CDH8: variants seen among roughly 807,000 people sequenced by gnomAD.
CDH8 encodes the protein cadherin-8.
Under a neutral mutation model 68.1 loss-of-function variants are expected in CDH8, and 17 were observed. That is an observed-to-expected ratio of 0.25 (90% CI 0.17 to 0.37). The LOEUF (loss-of-function observed/expected upper bound fraction) is 0.37, where lower values mean the gene tolerates loss of function less well. Among genes scored for constraint, CDH8 ranks in the 10% least tolerant of loss-of-function variants. CDH8 has a pLI of 1.00. For missense variants in CDH8, 763 were observed against 999.3 expected (o/e 0.76, Z 3.19); for synonymous variants, 372 against 365.1 (o/e 1.02, Z -0.21).
At chr16:61,735,648 A>G (rs1320894545) in intron 8 of CDH8, among the ~76,000 whole-genome samples, 1 of 152,168 alleles carries the variant, frequency 6.6e-6, no homozygotes, top group Non-Finnish European at 1.5e-5. Flanking sequence ...CATTTATCCT[A>G]CAAGTTACTC....
chr16:61,683,120 A>C (rs1233382390), intron 10 of CDH8, among the ~76,000 whole-genome samples: 1 of 152,008 alleles, frequency 6.6e-6, no homozygotes, highest in African/African-American at 2.4e-5. Flanking sequence ...TTATATTTTC[A>C]ATATTTTTCA....
chr16:61,745,074 ACTG>A (rs1959981597), intron 8 of CDH8, among the ~76,000 whole-genome samples: 1 of 151,092 alleles, frequency 6.6e-6, no homozygotes, highest in South Asian at 2.1e-4. Context: ...TCAGTGAAAA[ACTG>A]CTGCTAATGC....
At chr16:61,838,314 A>G (rs1356851946) in intron 4 of CDH8, among the ~76,000 whole-genome samples, 2 of 152,122 alleles carry the variant, frequency 1.3e-5, no homozygotes, top group Non-Finnish European at 2.9e-5. Flanking sequence ...AGGGAGATAC[A>G]TATTCTAGGA....
chr16:61,813,685 T>C (rs1010008369), intron 7 of CDH8, among the ~76,000 whole-genome samples: 9 of 152,066 alleles, frequency 5.9e-5, no homozygotes, highest in Non-Finnish European at 1.0e-4. Flanking sequence ...TGTTTTTTTT[T>C]CCCTTTTTGC....
intron 10 of CDH8, among the ~76,000 whole-genome samples, chr16:61,676,843 A>C (rs907262439): frequency 2.0e-5 from 3 of 152,040 alleles, no homozygotes; most frequent in African/African-American, 7.2e-5. Context: ...AAATTCCCTC[A>C]CTGCTTGCTA....
At chr16:61,982,470 C>T (rs1184071676) in intron 2 of CDH8, among the ~76,000 whole-genome samples, 1 of 152,192 alleles carries the variant, frequency 6.6e-6, no homozygotes, top group African/African-American at 2.4e-5. Context: ...CCGCCCGCCT[C>T]GGCCTCCCAT....
At chr16:61,765,498 C>T (rs1960567289) in intron 8 of CDH8, among the ~76,000 whole-genome samples, 1 of 151,972 alleles carries the variant, frequency 6.6e-6, no homozygotes, top group East Asian at 1.9e-4. Flanking sequence ...GGGTAAAATG[C>T]CAGTTGATTT....
intron 7 of CDH8, among the ~76,000 whole-genome samples, chr16:61,809,014 C>T (rs1423917733): frequency 6.6e-6 from 1 of 152,064 alleles, no homozygotes; most frequent in Non-Finnish European, 1.5e-5. Context: ...GGAGAAACCC[C>T]CGTCTCTACT....
chr16:61,980,343 A>G (rs999010334), intron 2 of CDH8, among the ~76,000 whole-genome samples: 2 of 152,194 alleles, frequency 1.3e-5, no homozygotes, highest in African/African-American at 4.8e-5. Context: ...AGCCCTATTG[A>G]CGTCATATCT....
intron 3 of CDH8, among the ~76,000 whole-genome samples, chr16:61,874,331 T>C (rs959822989): frequency 6.6e-6 from 1 of 152,068 alleles, no homozygotes; most frequent in East Asian, 1.9e-4. Context: ...ATTTTCTTTT[T>C]TTCGTTTTTT....
chr16:61,748,582 GA>G (rs1009006528), intron 8 of CDH8, among the ~76,000 whole-genome samples: 78 of 149,882 alleles, frequency 5.2e-4, no homozygotes, highest in African/African-American at 1.4e-3. Context: ...ACTAGGTAAA[GA>G]AAAAAAAAGG....
chr16:61,866,937 G>A (rs891459040), intron 3 of CDH8, among the ~76,000 whole-genome samples: 3 of 151,798 alleles, frequency 2.0e-5, no homozygotes, highest in East Asian at 1.9e-4. Context: ...GTGGCTGTTC[G>A]TTTTTTTTGT....
chr16:61,965,595 G>A (rs1965234072), intron 2 of CDH8, among the ~76,000 whole-genome samples: 1 of 152,178 alleles, frequency 6.6e-6, no homozygotes, highest in South Asian at 2.1e-4. Flanking sequence ...TAAGGTGGAT[G>A]TCTCATAAAG....
At chr16:61,771,641 A>C (rs1960782414) in intron 8 of CDH8, among the ~76,000 whole-genome samples, 1 of 151,946 alleles carries the variant, frequency 6.6e-6, no homozygotes, top group Non-Finnish European at 1.5e-5. Context: ...GAACAGATTG[A>C]TGAAGATTTG....
chr16:61,827,212 A>C (rs1962357799), intron 4 of CDH8, among the ~76,000 whole-genome samples: 1 of 151,920 alleles, frequency 6.6e-6, no homozygotes, highest in Admixed American at 6.6e-5. Context: ...TCAGTAAAAA[A>C]GATTGAAAAC....
chr16:61,922,032 A>AG (rs1178732817), intron 2 of CDH8, among the ~76,000 whole-genome samples: 3 of 152,130 alleles, frequency 2.0e-5, no homozygotes, highest in African/African-American at 7.2e-5. Flanking sequence ...CTGGGGAAAA[A>AG]AAAAAATAGA....
intron 2 of CDH8, among the ~76,000 whole-genome samples, chr16:62,002,939 A>G (rs888838714): frequency 3.3e-5 from 5 of 152,118 alleles, no homozygotes; most frequent in Non-Finnish European, 7.4e-5. Flanking sequence ...TGTAGTCCCA[A>G]CTACTCGGGA....
intron 9 of CDH8, among the ~76,000 whole-genome samples, chr16:61,717,491 T>C (rs1348027082): frequency 6.6e-6 from 1 of 151,688 alleles, no homozygotes; most frequent in African/African-American, 2.4e-5. Context: ...CTAAATTAGA[T>C]TGTTTTAACA....
intron 3 of CDH8, among the ~76,000 whole-genome samples, chr16:61,882,790 G>A (rs910189225): frequency 6.6e-6 from 1 of 152,094 alleles, no homozygotes; most frequent in African/African-American, 2.4e-5. Flanking sequence ...TAATACCTGG[G>A]TGATGAAATA....
Sources: allele counts gnomAD v4.1 joint callset (sites outside exome capture counted in the v4.1 genomes callset), GRCh38; gene constraint gnomAD v4.1.1; transcripts MANE v1.5; gene names NCBI Gene and HGNC (gene_info 2026-07-23, HGNC 2026-07-21).